The following SLC28A3 variants were observed in gnomAD, a reference collection of about 807,000 sequenced individuals.
SLC28A3 encodes the protein solute carrier family 28 member 3.
A neutral mutation model predicts 84.2 loss-of-function variants in SLC28A3; 68 were observed. The ratio of observed to expected loss-of-function variants is 0.81; its 90% CI spans 0.66 to 0.99. The LOEUF is 0.99. Ranked by LOEUF, SLC28A3 falls within the 50% of genes least tolerant of loss-of-function variation. The pLI, the probability that SLC28A3 is intolerant of heterozygous loss-of-function variation, is 0.00. For missense variants in SLC28A3, 712 were observed against 841.5 expected (o/e 0.85, Z 1.90); for synonymous variants, 267 against 303.6 (o/e 0.88, Z 1.25).
At chr9:84,313,046 T>C (rs949464371) in intron 2 of SLC28A3, among the ~76,000 whole-genome samples, 2 of 152,246 alleles carry the variant, frequency 1.3e-5, no homozygotes, top group African/African-American at 4.8e-5. Context: ...CTCTTGTTTC[T>C]GTCATTTACG....
chr9:84,367,760 G>A, the SLC28A3 span, among the ~76,000 whole-genome samples: 15 of 152,284 alleles, frequency 9.9e-5, no homozygotes, highest in African/African-American at 2.4e-4. Context: ...TACTGTGCCC[G>A]GATGTGCACG....
At chr9:84,301,038 T>C (rs185858384) in intron 5 of SLC28A3, among the ~76,000 whole-genome samples, 1 of 152,086 alleles carries the variant, frequency 6.6e-6, no homozygotes, top group African/African-American at 2.4e-5. Context: ...ACCTACGACA[T>C]ACCCACAACA....
chr9:84,287,283 A>G (rs1421403324), intron 12 of SLC28A3, among the ~76,000 whole-genome samples: 6 of 152,218 alleles, frequency 3.9e-5, no homozygotes, highest in African/African-American at 1.2e-4. Context: ...CTTTATCTAC[A>G]TACAAGTATG....
intron 6 of SLC28A3, 65 bp from the exon 7 acceptor site, chr9:84,298,084 C>T (rs1001040526): frequency 1.5e-5 from 19 of 1,294,642 alleles, no homozygotes; most frequent in African/African-American, 1.2e-4. Flanking sequence ...GCATGAATGT[C>T]TAATGGATCA....
chr9:84,320,075 A>C (rs1826323405), intron 1 of SLC28A3, among the ~76,000 whole-genome samples: 1 of 91,018 alleles, frequency 1.1e-5, no homozygotes, highest in African/African-American at 7.2e-5. Context: ...TTTGAGACAG[A>C]TTCTCGCTCT....
intron 3 of SLC28A3, among the ~76,000 whole-genome samples, chr9:84,306,257 G>A (rs764960405): frequency 1.3e-5 from 2 of 152,188 alleles, no homozygotes; most frequent in East Asian, 3.9e-4. Flanking sequence ...TTCTCCTCCC[G>A]TATAGATGAT....
At position 84,326,935 on chromosome 9, in the gene SLC28A3, C is replaced by T. The variant is rs1826581657; in HGVS notation, c.61-13481G>A. 2.0e-5 allele frequency among the ~76,000 whole-genome samples: 3 copies of T among 152,178 alleles called. 1 individual carries two copies. Among genetic ancestry groups the T allele is most frequent in the South Asian group, 4.1e-4 (2 of 4,820 alleles). Reference sequence around the variant, plus strand: ...CAGGAGAATCGCTAGAACCCAGGAGCAGAGGTTGCAGTGAGCCAAGATAGA... The same window carrying T: ...CAGGAGAATCGCTAGAACCCAGGAGTAGAGGTTGCAGTGAGCCAAGATAGA... On this transcript the variant is annotated intron_variant, in intron 1 of 17. Coordinates refer to ENST00000376238, the MANE Select transcript of SLC28A3 (RefSeq NM_001199633.2).
At chr9:84,313,192 G>T (rs1179678214) in intron 2 of SLC28A3, among the ~76,000 whole-genome samples, 167 bp downstream of exon 2, 1 of 152,194 alleles carries the variant, frequency 6.6e-6, no homozygotes, top group East Asian at 1.9e-4. Context: ...CTTTGTTTGG[G>T]CGTGTGTGTT....
intron 9 of SLC28A3, among the ~76,000 whole-genome samples, chr9:84,293,187 A>G (rs1049734539): frequency 1.3e-5 from 2 of 152,202 alleles, no homozygotes; most frequent in African/African-American, 4.8e-5. Context: ...AGAACAGTTT[A>G]GTTGTTTTGT....
rs984943924 is a variant in SLC28A3, at chr9:84,294,078, G to A, written c.942+117C>T. On this transcript the variant is annotated intron_variant, in intron 9 of 17. Transcript: ENST00000376238. ...ATCTAATCACTTAGGTGGTGATGGT[G>A]GATAATGGTAGGAAGAGAAAGGCAC... 12 of 835,226 alleles carry A rather than the reference G, an allele frequency of 1.4e-5. No individual in the cohort carries two copies. In the African/African-American group the frequency reaches 1.9e-4, roughly 13 times the overall value. 51.7% of individuals were successfully genotyped at this position (835,226 alleles called of 1,614,324 possible).
chr9:84,334,932 C>T (rs13283321), intron 1 of SLC28A3, among the ~76,000 whole-genome samples: 1 of 151,910 alleles, frequency 6.6e-6, no homozygotes, highest in Non-Finnish European at 1.5e-5. Context: ...TTCTCCAGAT[C>T]GCCCCTCTCC....
rs531259517 is a variant in SLC28A3 at position 84,337,449 on chromosome 9, C to CGT, written c.60+3123_60+3124dup. On this transcript the variant is annotated intron_variant, in intron 1 of 17. Transcript: ENST00000376238. Reference sequence around the variant, plus strand: ...ATGCTAGCCTGTGTGTGTGCGCGCGCGTGTGTGTATGCGTATGTGGGTGTG... The same window carrying CGT: ...ATGCTAGCCTGTGTGTGTGCGCGCGCGTGTGTGTGTATGCGTATGTGGGTGTG... Among the ~76,000 whole-genome samples, 555 of 145,874 alleles carry CGT rather than the reference C, an allele frequency of 3.8e-3. 3 individuals are homozygous for CGT. Among genetic ancestry groups the CGT allele is most frequent in the African/African-American group, 0.013 (528 of 39,294 alleles).
intron 1 of SLC28A3, 48 bp from the exon 2 acceptor site, chr9:84,313,502 A>G (rs1248414765): frequency 6.7e-7 from 1 of 1,495,682 alleles, no homozygotes; most frequent in East Asian, 2.3e-5. Flanking sequence ...CAGCCAAAAG[A>G]CAGATGTTCT....
At chr9:84,354,596 C>G in the SLC28A3 span, among the ~76,000 whole-genome samples, 1 of 152,216 alleles carries the variant, frequency 6.6e-6, no homozygotes, top group Admixed American at 6.5e-5. Flanking sequence ...GCCAGTAATC[C>G]CGGCACTTTA....
the SLC28A3 span, among the ~76,000 whole-genome samples, chr9:84,351,009 C>G: frequency 6.6e-6 from 1 of 152,138 alleles, no homozygotes; most frequent in African/African-American, 2.4e-5. Flanking sequence ...GCCCAGTCAA[C>G]TTTTTTACCT....
At chr9:84,284,569 A>G (rs956962312) in intron 14 of SLC28A3, among the ~76,000 whole-genome samples, 4 of 152,202 alleles carry the variant, frequency 2.6e-5, no homozygotes, top group Admixed American at 6.5e-5. Flanking sequence ...GATTGTTTCA[A>G]TGAGTACTAG....
intron 13 of SLC28A3, 151 bp downstream of exon 13, chr9:84,285,792 A>G: frequency 1.0e-6 from 1 of 966,016 alleles, no homozygotes; most frequent in East Asian, 2.6e-5. Flanking sequence ...AGACAGAGAA[A>G]AGGTGGGTGG....
rs570175390 is a variant in SLC28A3 at position 84,305,322 on chromosome 9, G to A, written c.266C>T (p.Thr89Ile). The A allele has an allele frequency of 1.6e-5, 26 of 1,612,902 alleles. No individual in the cohort carries two copies. The East Asian group carries it at 2.0e-4, about 12-fold the overall frequency. Residue 89 changes from threonine (T) to isoleucine (I), a missense_variant, in exon 4 of 18, where the codon ACA becomes ATA. Transcript: ENST00000376238. ...QKGCLERRYD[T>I]VCGFCRKHKT... ...GTGTTTCCTACAGAAACCACATACT[G>A]TGTCATACCTCCTTTCCAAACACCT...
At chr9:84,342,477 A>T (rs888903771), upstream of SLC28A3, among the ~76,000 whole-genome samples, 1 of 151,922 alleles carries the variant, frequency 6.6e-6, no homozygotes, top group Non-Finnish European at 1.5e-5. Context: ...GGAGTGCATG[A>T]TCATGGCTTG....
Sources: gnomAD v4.1 joint callset for allele counts (sites outside exome capture counted in the v4.1 genomes callset) on GRCh38, gnomAD v4.1.1 for gene constraint, MANE v1.5 for transcripts, NCBI Gene and HGNC (gene_info 2026-07-23, HGNC 2026-07-21) for gene names.